Variants in ZNF345 observed in about 807,000 individuals in gnomAD.
The protein encoded by ZNF345 is zinc finger protein 345.
For synonymous variants in ZNF345, 166 were observed against 187.9 expected (o/e 0.88, Z 0.95); for missense variants, 527 against 589.9 (o/e 0.89, Z 1.10).
chr19:36,886,923 G>A (rs1045465696), intron 3 of ZNF345, among the ~76,000 whole-genome samples: 8 of 148,950 alleles, frequency 5.4e-5, no homozygotes, highest in Admixed American at 2.7e-4. Flanking sequence ...GAACCCAAGA[G>A]GCGGAGCTTG....
At chr19:36,875,291 A>C (rs188972514) in intron 2 of ZNF345, among the ~76,000 whole-genome samples, 10 of 152,344 alleles carry the variant, frequency 6.6e-5, no homozygotes, top group Non-Finnish European at 1.2e-4. Flanking sequence ...CAGACTGAAC[A>C]TGTAGGAAAT....
At chr19:36,850,418 A>G (rs1301817585), upstream of ZNF345, 1 of 152,272 alleles carries the variant, frequency 6.6e-6, no homozygotes, top group Non-Finnish European at 1.5e-5. Context: ...TTGGTTAAAG[A>G]CTATTGCAAT....
chr19:36,884,289 C>A (rs567498648), downstream of ZNF345, among the ~76,000 whole-genome samples: 1 of 152,162 alleles, frequency 6.6e-6, no homozygotes, highest in African/African-American at 2.4e-5. Context: ...AACTCCTGAC[C>A]ACAAGTGATC....
At chr19:36,888,602 G>C (rs2073020141) in intron 3 of ZNF345, 1 of 152,216 alleles carries the variant, frequency 6.6e-6, no homozygotes, top group African/African-American at 2.4e-5. Context: ...TACAAGGGCA[G>C]TTGTGTTACA....
At chr19:36,865,390 T>A (rs1054166889) in intron 2 of ZNF345, among the ~76,000 whole-genome samples, 4 of 152,232 alleles carry the variant, frequency 2.6e-5, no homozygotes, top group Non-Finnish European at 4.4e-5. Flanking sequence ...GTTAATTTTT[T>A]AAAATGTAAG....
chr19:36,877,929 G>C lies in ZNF345; in HGVS notation c.1099G>C (p.Glu367Gln). 1 of 1,614,162 alleles carries C rather than the reference G, an allele frequency of 6.2e-7. No homozygotes were observed. The highest frequency in any genetic ancestry group is 8.5e-7 in the Non-Finnish European group (1 of 1,180,020). ...LTQHHRIHTGEKPYECKECGK... is the reference protein window; with the variant it reads ...LTQHHRIHTGQKPYECKECGK... ...TCAACATCACAGAATTCATACTGGT[G>C]AGAAACCCTATGAATGTAAGGAATG... Residue 367 changes from glutamate (E) to glutamine (Q), a missense_variant, in exon 3 of 3, where the codon GAG (glutamate) becomes CAG (glutamine). By Grantham distance (29) the Glu-to-Gln change is conservative (BLOSUM62 2). Coordinates refer to ENST00000420450, the MANE Select transcript of ZNF345 (RefSeq NM_001242472.2).
At chr19:36,863,058 G>A (rs548318623) in intron 2 of ZNF345, 2 of 152,268 alleles carry the variant, frequency 1.3e-5, no homozygotes, top group Non-Finnish European at 2.9e-5. Flanking sequence ...CATAATCTTG[G>A]ACTGATGTCC....
chr19:36,874,358 G>T (rs1300013824), intron 2 of ZNF345, among the ~76,000 whole-genome samples: 1 of 152,218 alleles, frequency 6.6e-6, no homozygotes, highest in Non-Finnish European at 1.5e-5. Context: ...GCCAGGTGTG[G>T]TGGTGGGCAC....
chr19:36,854,180 A>C (rs1276997541), intron 2 of ZNF345, among the ~76,000 whole-genome samples: 1 of 151,902 alleles, frequency 6.6e-6, no homozygotes, highest in Middle Eastern at 3.2e-3. Context: ...GACTGTCTGG[A>C]ATCTGAGCAG....
At chr19:36,854,118 C>T (rs1448641573) in intron 2 of ZNF345, among the ~76,000 whole-genome samples, 1 of 151,930 alleles carries the variant, frequency 6.6e-6, no homozygotes, top group Admixed American at 6.6e-5. Context: ...ATAAATAGTT[C>T]TAGACAAGTA....
chr19:36,880,245 G>T (rs2072960489), downstream of ZNF345, among the ~76,000 whole-genome samples: 4 of 152,002 alleles, frequency 2.6e-5, no homozygotes, highest in Admixed American at 2.6e-4. Context: ...GCTTGAACCT[G>T]TGGAGGTTGC....
Position 36,874,653 on chromosome 19 carries a change from C to T in ZNF345, c.-46-2132C>T, listed in dbSNP as rs149355094. Among the ~76,000 whole-genome samples the T allele has an allele frequency of 1.3e-3, 195 of 152,022 alleles. 1 individual carries two copies. Among genetic ancestry groups the T allele is most frequent in the Non-Finnish European group, 2.3e-3 (158 of 67,988 alleles). On this transcript the variant is annotated intron_variant, in intron 2 of 2. Transcript: ENST00000420450. Reference sequence around the variant, plus strand: ...AATTAGCCAGGCGTGGTGGCACATGCCTGTAATCCCAGGTACTGAGGAGGC... The same window carrying T: ...AATTAGCCAGGCGTGGTGGCACATGTCTGTAATCCCAGGTACTGAGGAGGC...
intron 2 of ZNF345, among the ~76,000 whole-genome samples, chr19:36,868,133 G>A (rs988062394): frequency 6.6e-6 from 1 of 151,684 alleles, no homozygotes; most frequent in Admixed American, 6.6e-5. Context: ...CTCCCGAGTA[G>A]CTGGGATTAC....
intron 2 of ZNF345, among the ~76,000 whole-genome samples, chr19:36,852,341 A>C (rs533598637): frequency 4.6e-5 from 7 of 151,948 alleles, no homozygotes; most frequent in African/African-American, 1.7e-4. Context: ...GGCTGGATGC[A>C]GTGGCTCATG....
intron 2 of ZNF345, among the ~76,000 whole-genome samples, chr19:36,853,245 CTTTTTTTTT>C (rs902150512): frequency 1.9e-5 from 2 of 106,534 alleles, no homozygotes; most frequent in African/African-American, 3.7e-5. Context: ...TTCTTTCTTT[CTTTTTTTTT>C]TTTTTTTTTT....
At chr19:36,866,844 C>G (rs2072671247) in intron 2 of ZNF345, among the ~76,000 whole-genome samples, 1 of 152,220 alleles carries the variant, frequency 6.6e-6, no homozygotes, top group Non-Finnish European at 1.5e-5. Context: ...AGCCGCCGCA[C>G]CTGGCCCATG....
At chr19:36,857,556 G>A (rs750943504) in intron 2 of ZNF345, among the ~76,000 whole-genome samples, 6 of 152,002 alleles carry the variant, frequency 3.9e-5, no homozygotes, top group Non-Finnish European at 7.4e-5. Flanking sequence ...TGATCCACCC[G>A]CCTCAGCCTC....
At chr19:36,871,701 T>G (rs2072774026) in intron 2 of ZNF345, among the ~76,000 whole-genome samples, 1 of 152,072 alleles carries the variant, frequency 6.6e-6, no homozygotes, top group Non-Finnish European at 1.5e-5. Flanking sequence ...ATTGATTTGG[T>G]CATTGGATCT....
intron 2 of ZNF345, among the ~76,000 whole-genome samples, chr19:36,871,062 C>T (rs1456291775): frequency 2.0e-5 from 3 of 152,204 alleles, no homozygotes; most frequent in African/African-American, 7.2e-5. Flanking sequence ...TTATTTCTCA[C>T]AGTTGTGGAG....
Sources: gnomAD v4.1 joint callset for allele counts (sites outside exome capture counted in the v4.1 genomes callset) on GRCh38, gnomAD v4.1.1 for gene constraint, MANE v1.5 for transcripts, NCBI Gene and HGNC (gene_info 2026-07-23, HGNC 2026-07-21) for gene names.